The following HMGB1 variants were observed in gnomAD, a reference collection of about 807,000 sequenced individuals.
HMGB1 encodes high mobility group protein B1.
For missense variants in HMGB1, 79 were observed against 253.5 expected, an observed-to-expected ratio of 0.31 and a Z score of 4.67; for synonymous variants, 81 against 84.0, an observed-to-expected ratio of 0.96 and a Z score of 0.19.
intron 1 of HMGB1, among the ~76,000 whole-genome samples, chr13:30,474,884 C>T (rs1593264356): frequency 7.6e-6 from 1 of 132,284 alleles, no homozygotes. Flanking sequence ...GGGTCTTGCT[C>T]TTTCGCCTAG....
At position 30,522,084 on chromosome 13, in the gene HMGB1, T is replaced by A. The variant is rs934358067; in HGVS notation, c.-14-58390A>T. ...TGCTCAAGATAGCTTAGTGACAGAA[T>A]GTGAGTTAAAACATAATTATGATAC... On this transcript the variant is annotated intron_variant, in intron 1 of 4. Coordinates refer to the HMGB1 transcript ENST00000405805. Among the ~76,000 whole-genome samples the A allele has an allele frequency of 2.7e-5, 4 of 150,760 alleles. No homozygotes were observed. The Admixed American group carries it at 2.7e-4, about 10-fold the overall frequency.
intron 1 of HMGB1, among the ~76,000 whole-genome samples, chr13:30,510,174 A>G (rs1330573151): frequency 6.6e-6 from 1 of 152,202 alleles, no homozygotes. Context: ...CTGCAAGCCC[A>G]GTACCAGTGG....
At position 30,462,015 on chromosome 13, in the gene HMGB1, C is replaced by T. The variant is rs774075054; in HGVS notation, c.472-482G>A. 2.0e-5 allele frequency among the ~76,000 whole-genome samples: 3 copies of T among 152,060 alleles called. 1 individual carries two copies. Among genetic ancestry groups the T allele is most frequent in the Non-Finnish European group, 4.4e-5 (3 of 68,004 alleles). ...TAAACACTTTTCAGAATGACTAAAG[C>T]TGAAAATTAAGTATTTAATATTTCA... On this transcript the variant is annotated intron_variant, in intron 4 of 4. Transcript: ENST00000341423.
Position 30,461,450 on chromosome 13 carries a change from C to T in HMGB1, c.555G>A (p.Lys185=), listed in dbSNP as rs1236068451. Reference sequence around the variant, plus strand: ...CATCTTCCTCATCTTCCTCCTCTTCCTTCTTTTTCTTGCTTTTTTCAGCCT... The same window carrying T: ...CATCTTCCTCATCTTCCTCCTCTTCTTTCTTTTTCTTGCTTTTTTCAGCCT... ...VVKAEKSKKK[K]EEEEDEEDEE... Residue 185 remains lysine, a synonymous_variant, in exon 5 of 5, where the codon AAG becomes AAA. Coordinates refer to ENST00000341423, the MANE Select transcript of HMGB1 (RefSeq NM_002128.7). 3.2e-6 allele frequency: 5 copies of T among 1,574,294 alleles called. No homozygotes were observed. In the Admixed American group the frequency reaches 5.5e-5, roughly 17 times the overall value.
intron 1 of HMGB1, among the ~76,000 whole-genome samples, chr13:30,558,153 T>C (rs534700248): frequency 6.3e-4 from 96 of 152,346 alleles, no homozygotes; most frequent in South Asian, 3.3e-3. Context: ...GTGTTTCCCT[T>C]GGAGCCTTCC....
intron 1 of HMGB1, among the ~76,000 whole-genome samples, chr13:30,610,325 T>C (rs989256797): frequency 1.3e-5 from 2 of 152,108 alleles, no homozygotes; most frequent in African/African-American, 4.8e-5. Context: ...GAATCCATGG[T>C]ATATATGGTA....
intron 1 of HMGB1, chr13:30,553,570 T>G (rs933352399): frequency 3.7e-6 from 2 of 533,780 alleles, no homozygotes; most frequent in Non-Finnish European, 6.7e-6. Flanking sequence ...ACAACTTCCT[T>G]GAGTAATGAT....
chr13:30,535,972 C>T (rs1422930312), intron 1 of HMGB1, among the ~76,000 whole-genome samples: 1 of 152,174 alleles, frequency 6.6e-6, no homozygotes, highest in East Asian at 1.9e-4. Flanking sequence ...GCAACACACT[C>T]AAGTAATCTA....
At chr13:30,571,617 A>G (rs1365717621) in intron 1 of HMGB1, among the ~76,000 whole-genome samples, 1 of 152,164 alleles carries the variant, frequency 6.6e-6, no homozygotes, top group Non-Finnish European at 1.5e-5. Flanking sequence ...TTTATTATGG[A>G]CAATTAAGCT....
intron 1 of HMGB1, among the ~76,000 whole-genome samples, chr13:30,523,702 C>A (rs531337605): frequency 3.3e-5 from 5 of 152,082 alleles, no homozygotes; most frequent in Non-Finnish European, 7.4e-5. Flanking sequence ...GCTACTTGTA[C>A]CATCTGGTGC....
At position 30,606,818 on chromosome 13, in the gene HMGB1, T is replaced by C. The variant is rs1168095040; in HGVS notation, c.-15+9853A>G. Among the ~76,000 whole-genome samples, 4 of 152,226 alleles carry C rather than the reference T, an allele frequency of 2.6e-5. No homozygotes were observed. The East Asian group carries it at 7.7e-4, about 29-fold the overall frequency. On this transcript the variant is annotated intron_variant, in intron 1 of 4. Coordinates refer to the HMGB1 transcript ENST00000405805. ...AATTCCAAAGAATGTTTAGGCATTGTCAGGTTATGTTAAAACATCTTCTGC... is the reference window on the plus strand; with the variant it reads ...AATTCCAAAGAATGTTTAGGCATTGCCAGGTTATGTTAAAACATCTTCTGC...
intron 1 of HMGB1, among the ~76,000 whole-genome samples, chr13:30,473,576 G>T (rs1886998403): frequency 6.6e-6 from 1 of 151,816 alleles, no homozygotes; most frequent in Admixed American, 6.6e-5. Flanking sequence ...CACGCAGATG[G>T]CTATAATCAA....
intron 1 of HMGB1, among the ~76,000 whole-genome samples, chr13:30,563,956 T>C (rs969483359): frequency 3.3e-5 from 5 of 152,188 alleles, no homozygotes; most frequent in African/African-American, 1.2e-4. Context: ...ATTAAAATGG[T>C]AAATGGGAAA....
chr13:30,464,425 G>C (rs1037245607), intron 1 of HMGB1: 1 of 985,444 alleles, frequency 1.0e-6, no homozygotes, highest in Non-Finnish European at 1.2e-6. Context: ...AACTCGGGAA[G>C]TATTTTTTGG....
chr13:30,566,315 G>A (rs1184350819), intron 1 of HMGB1, among the ~76,000 whole-genome samples: 1 of 152,148 alleles, frequency 6.6e-6, no homozygotes, highest in African/African-American at 2.4e-5. Flanking sequence ...GCAGTGGTCG[G>A]CAAACTTTTT....
At chr13:30,572,072 A>G (rs573798420) in intron 1 of HMGB1, among the ~76,000 whole-genome samples, 1 of 152,350 alleles carries the variant, frequency 6.6e-6, no homozygotes, top group Admixed American at 6.5e-5. Flanking sequence ...TCATGATGGG[A>G]GAGTAAGCAT....
At chr13:30,471,955 A>G (rs1165749835) in intron 1 of HMGB1, among the ~76,000 whole-genome samples, 7 of 146,674 alleles carry the variant, frequency 4.8e-5, no homozygotes, top group Non-Finnish European at 9.0e-5. Flanking sequence ...GGCGTGAGCC[A>G]CCGCGGCTGG....
At chr13:30,548,833 T>G (rs1008001814) in intron 1 of HMGB1, among the ~76,000 whole-genome samples, 4 of 152,164 alleles carry the variant, frequency 2.6e-5, no homozygotes, top group African/African-American at 9.7e-5. Flanking sequence ...TAAGACCAAA[T>G]GAACCACGCT....
intron 1 of HMGB1, among the ~76,000 whole-genome samples, chr13:30,525,734 C>T (rs1156520462): frequency 1.3e-5 from 2 of 149,966 alleles, no homozygotes; most frequent in African/African-American, 4.9e-5. Context: ...AAAAAACCAT[C>T]AGGTCTCACG....
Sources: allele counts gnomAD v4.1 joint callset (sites outside exome capture counted in the v4.1 genomes callset), GRCh38; gene constraint gnomAD v4.1.1; transcripts MANE v1.5; gene names NCBI Gene and HGNC (gene_info 2026-07-23, HGNC 2026-07-21).